Variants in LDLRAD3 observed in about 807,000 individuals in gnomAD.
LDLRAD3 encodes low-density lipoprotein receptor class A domain-containing protein 3.
LDLRAD3 carries 20 observed loss-of-function variants against 29.4 expected under a neutral mutation model. That is an observed-to-expected ratio of 0.68 (90% CI 0.48 to 0.99). LDLRAD3 has a LOEUF of 0.99. LDLRAD3 is among the 50% of genes least tolerant of loss of function. The pLI is 0.00. For missense variants in LDLRAD3, 420 were observed against 454.3 expected, an observed-to-expected ratio of 0.92 and a Z score of 0.69; for synonymous variants, 157 against 192.7, an observed-to-expected ratio of 0.81 and a Z score of 1.53.
chr11:36,158,792 TA>T lies in LDLRAD3; in HGVS notation c.454+60332del, dbSNP rs1854392388. 3.3e-5 allele frequency among the ~76,000 whole-genome samples: 5 copies of T among 152,258 alleles called. No homozygotes were observed. The South Asian group carries it at 6.2e-4, about 19-fold the overall frequency. On this transcript the variant is annotated intron_variant, in intron 4 of 5. Coordinates refer to ENST00000315571, the MANE Select transcript of LDLRAD3 (RefSeq NM_174902.4). ...GCCTCTTCTTACTACAACTGTCTTTTATTTTTTTTAATTGATACGTAATAAT... is the reference window on the plus strand; with the variant it reads ...GCCTCTTCTTACTACAACTGTCTTTTTTTTTTTTAATTGATACGTAATAAT...
intron 1 of LDLRAD3, among the ~76,000 whole-genome samples, chr11:36,025,813 C>T (rs1852159795): frequency 1.7e-5 from 2 of 116,964 alleles, no homozygotes; most frequent in East Asian, 5.2e-4. Context: ...GAGTTTCGCT[C>T]TTGTTGCCCA....
At chr11:36,048,037 C>T (rs934222067) in intron 2 of LDLRAD3, among the ~76,000 whole-genome samples, 4 of 151,820 alleles carry the variant, frequency 2.6e-5, no homozygotes, top group African/African-American at 4.8e-5. Context: ...ATACGATACA[C>T]TTTTCCATCT....
rs61566157 is a variant in LDLRAD3, at chr11:35,988,585, A to AT, written c.46+44451dup. Reference sequence around the variant, plus strand: ...TAGTTAAATTAGGTCCCACTTGTCAATTTTTTTTTTGTTTTTGAGTTGGAG... The same window carrying AT: ...TAGTTAAATTAGGTCCCACTTGTCAATTTTTTTTTTTGTTTTTGAGTTGGAG... On this transcript the variant is annotated intron_variant, in intron 1 of 5. Transcript: ENST00000315571. Among the ~76,000 whole-genome samples the AT allele has an allele frequency of 2.7e-3, 402 of 148,476 alleles. 2 individuals are homozygous for AT. The highest frequency in any genetic ancestry group is 8.6e-3 in the African/African-American group (349 of 40,528).
intron 4 of LDLRAD3, among the ~76,000 whole-genome samples, chr11:36,126,484 A>G (rs530314295): frequency 6.6e-6 from 1 of 152,232 alleles, no homozygotes; most frequent in South Asian, 2.1e-4. Flanking sequence ...AGCCAATTCC[A>G]GCATGCAGGG....
At chr11:36,031,964 C>T (rs1173788096) in intron 1 of LDLRAD3, among the ~76,000 whole-genome samples, 1 of 152,172 alleles carries the variant, frequency 6.6e-6, no homozygotes, top group Admixed American at 6.5e-5. Flanking sequence ...GATGGAGGTG[C>T]AGGATTAGCG....
intron 3 of LDLRAD3, among the ~76,000 whole-genome samples, chr11:36,097,729 C>A (rs754396461): frequency 6.6e-6 from 1 of 152,096 alleles, no homozygotes; most frequent in African/African-American, 2.4e-5. Flanking sequence ...ATGTACTGCA[C>A]TTGAGTAATG....
chr11:36,216,116 G>A (rs1855349289), intron 4 of LDLRAD3, among the ~76,000 whole-genome samples: 1 of 152,196 alleles, frequency 6.6e-6, no homozygotes, highest in East Asian at 1.9e-4. Context: ...CTTAACTGAT[G>A]TGGCCTGGGA....
intron 1 of LDLRAD3, among the ~76,000 whole-genome samples, chr11:35,990,030 G>A (rs1253672486): frequency 1.3e-5 from 2 of 152,148 alleles, no homozygotes; most frequent in Non-Finnish European, 2.9e-5. Flanking sequence ...TTTACTTAGA[G>A]TTATACAGCC....
intron 4 of LDLRAD3, among the ~76,000 whole-genome samples, chr11:36,206,983 C>A (rs925557474): frequency 6.6e-6 from 1 of 152,160 alleles, no homozygotes; most frequent in African/African-American, 2.4e-5. Flanking sequence ...ACCTTGGCCT[C>A]CCAAAGTGCT....
At chr11:36,078,492 A>G (rs377478775) in intron 2 of LDLRAD3, among the ~76,000 whole-genome samples, 6 of 152,208 alleles carry the variant, frequency 3.9e-5, no homozygotes, top group South Asian at 4.1e-4. Flanking sequence ...CTGGGTTGCA[A>G]TAGTTCCCAG....
intron 1 of LDLRAD3, among the ~76,000 whole-genome samples, chr11:35,947,465 G>C (rs545065638): frequency 5.3e-5 from 8 of 151,358 alleles, no homozygotes; most frequent in African/African-American, 1.9e-4. Context: ...AGCCAAGATC[G>C]CGCCGCTGCA....
intron 1 of LDLRAD3, among the ~76,000 whole-genome samples, chr11:35,963,416 G>C (rs1207395719): frequency 6.7e-6 from 1 of 148,364 alleles, no homozygotes; most frequent in Non-Finnish European, 1.5e-5. Flanking sequence ...GCCTCTCCCA[G>C]TTCTGTGTGT....
intron 2 of LDLRAD3, among the ~76,000 whole-genome samples, chr11:36,062,934 G>C (rs952682006): frequency 2.0e-5 from 3 of 152,158 alleles, no homozygotes; most frequent in Non-Finnish European, 2.9e-5. Context: ...GCTTTGTATA[G>C]CAGGGAAGAA....
intron 4 of LDLRAD3, among the ~76,000 whole-genome samples, chr11:36,180,165 A>T (rs1363770955): frequency 2.0e-5 from 3 of 151,878 alleles, no homozygotes; most frequent in Non-Finnish European, 4.4e-5. Flanking sequence ...ATTTTTCCTC[A>T]TCCTCAGCAT....
At chr11:36,202,330 G>T (rs1025654724) in intron 4 of LDLRAD3, among the ~76,000 whole-genome samples, 1 of 152,124 alleles carries the variant, frequency 6.6e-6, no homozygotes, top group Non-Finnish European at 1.5e-5. Context: ...GAGCCACTGC[G>T]CCTGGCAGGG....
At chr11:36,203,283 T>G (rs575772219) in intron 4 of LDLRAD3, among the ~76,000 whole-genome samples, 1 of 152,146 alleles carries the variant, frequency 6.6e-6, no homozygotes, top group Non-Finnish European at 1.5e-5. Flanking sequence ...CTACATACTT[T>G]ATAACGACCA....
rs746901075 is a variant in LDLRAD3 at position 36,081,779 on chromosome 11, G to A, written c.319+1G>A. On this transcript the variant is annotated splice_donor_variant, in intron 3 of 5. Transcript: ENST00000315571. LOFTEE classifies it high-confidence loss of function. Reference sequence around the variant, plus strand: ...GATGGCAGCGATGAAGAGAACTGCAGTAAGTGCTGCGCACTTGAACACTGT... The same window carrying A: ...GATGGCAGCGATGAAGAGAACTGCAATAAGTGCTGCGCACTTGAACACTGT... 6.2e-7 allele frequency: 1 copy of A among 1,614,214 alleles called. No individual in the cohort carries two copies. The highest frequency in any genetic ancestry group is 1.1e-5 in the South Asian group (1 of 91,088).
At chr11:36,055,568 A>G (rs569691510) in intron 2 of LDLRAD3, among the ~76,000 whole-genome samples, 1 of 152,366 alleles carries the variant, frequency 6.6e-6, no homozygotes, top group African/African-American at 2.4e-5. Context: ...GGGGACTGGC[A>G]GATGGCACTA....
chr11:36,039,135 A>C (rs867562877), intron 2 of LDLRAD3, among the ~76,000 whole-genome samples: 1 of 151,822 alleles, frequency 6.6e-6, no homozygotes, highest in South Asian at 2.1e-4. Context: ...ACGCCCGGCT[A>C]CTTTTTTGTA....
Sources: gnomAD v4.1 joint callset for allele counts (sites outside exome capture counted in the v4.1 genomes callset) on GRCh38, gnomAD v4.1.1 for gene constraint, MANE v1.5 for transcripts, NCBI Gene and HGNC (gene_info 2026-07-23, HGNC 2026-07-21) for gene names.